TTN: variants seen among roughly 807,000 people sequenced by gnomAD.
TTN encodes the protein connectin.
TTN carries 1,525 observed loss-of-function variants against 3,223.0 expected under a neutral mutation model. The observed-to-expected ratio is 0.47, with a 90% CI of 0.45 to 0.49. The LOEUF (loss-of-function observed/expected upper bound fraction) is 0.49. Ranked by LOEUF, TTN falls within the 20% of genes least tolerant of loss-of-function variation. The probability of loss-of-function intolerance (pLI) is 0.00; values close to 1 mark genes in which losing one functional copy is unlikely to be tolerated. For synonymous variants in TTN, 14,094 were observed against 15,161.0 expected (o/e 0.93, Z 5.17); for missense variants, 40,786 against 43,424.0 (o/e 0.94, Z 5.40).
intron 321 of TTN, 93 bp from the exon 322 acceptor site, chr2:178,578,278 A>G: frequency 8.9e-7 from 1 of 1,129,854 alleles, no homozygotes; most frequent in East Asian, 2.5e-5. Flanking sequence ...ATCCATATAT[A>G]TTGAACAAGT....
chr2:178,775,355 C>A lies in TTN; in HGVS notation c.6508+1G>T, dbSNP rs1373416532. On this transcript the variant is annotated splice_donor_variant, in intron 28 of 362. Transcript: ENST00000589042. LOFTEE classifies it high-confidence loss of function. ...CATCAAAGGAAAGACATGCAAATTA[C>A]CTTGGACAAGTAAGAATGCGTGACT... 2 of 1,613,786 alleles carry A rather than the reference C, an allele frequency of 1.2e-6. No individual in the cohort carries two copies. The highest frequency in any genetic ancestry group is 1.7e-6 in the Non-Finnish European group (2 of 1,179,986).
At chr2:178,747,003 A>G (rs771894274) in intron 47 of TTN, 28 of 1,613,276 alleles carry the variant, frequency 1.7e-5, no homozygotes, top group Admixed American at 3.3e-5. Context: ...TTTGATGGAT[A>G]TGTTTTAAAA....
At chr2:178,594,297 C>A (rs772803072) in intron 296 of TTN, 47 bp downstream of exon 296, 2 of 1,592,768 alleles carry the variant, frequency 1.3e-6, no homozygotes. Context: ...TATTACAAAT[C>A]TACAAATGTG....
Position 178,588,722 on chromosome 2 carries a change from C to T in TTN, c.63003G>A (p.Glu21001=), listed in dbSNP as rs1483274920. ...ATCGTGTTGAATGCTTTTCCTTTTT[C>T]TCCAAAAAGTATCCAGTTATAGACT... ...GGKSITGYFL[E]KKEKHSTRWV... Residue 21001 remains glutamate, a synonymous_variant, in exon 304 of 363, where the codon GAG becomes GAA. Coordinates refer to ENST00000589042, the MANE Select transcript of TTN (RefSeq NM_001267550.2). The T allele has an allele frequency of 6.2e-7, 1 of 1,613,160 alleles. No individual in the cohort carries two copies. The highest frequency in any genetic ancestry group is 1.1e-5 in the South Asian group (1 of 91,024).
At chr2:178,795,359 G>T in intron 6 of TTN, 107 bp from the exon 7 acceptor site, 1 of 1,027,902 alleles carries the variant, frequency 9.7e-7, no homozygotes, top group Non-Finnish European at 1.5e-6. Context: ...GTTTTAAAAT[G>T]TGTGCCTCCA....
At position 178,612,350 on chromosome 2, in the gene TTN, A is replaced by C. The variant is rs1451730722; in HGVS notation, c.50175T>G (p.Val16725=). 6.2e-7 allele frequency: 1 copy of C among 1,612,558 alleles called. No individual in the cohort carries two copies. Among genetic ancestry groups the C allele is most frequent in the Non-Finnish European group, 8.5e-7 (1 of 1,179,190 alleles). ...LTEGSLYVFR[V]AAENAIGQSD... ...TTTGTCCTATAGCATTTTCTGCAGCAACTCGGAACACATATAAAGAGCCCT... is the reference window on the plus strand; with the variant it reads ...TTTGTCCTATAGCATTTTCTGCAGCCACTCGGAACACATATAAAGAGCCCT... The change falls in exon 266 of 363, where the codon GTT becomes GTG. Residue 16725 remains valine, a synonymous_variant. Coordinates refer to ENST00000589042, the MANE Select transcript of TTN (RefSeq NM_001267550.2).
Position 178,634,508 on chromosome 2 carries a change from T to G in TTN, c.42273A>C (p.Ile14091=), listed in dbSNP as rs765993066. Residue 14091 remains isoleucine (I), a synonymous_variant, in exon 230 of 363, where the codon ATA becomes ATC. Transcript: ENST00000589042. The surrounding 1 kb of genome is among the most constrained non-coding windows in gnomAD (Gnocchi z 4.6). ...TATCAAATTTGTCAGATGACTTAAT[T>G]ATATCAGGTCCTTTGGACCATATAA... ...ANVIWSKGPD[I]IKSSDKFDII... 5.6e-6 allele frequency: 9 copies of G among 1,613,214 alleles called. No individual in the cohort carries two copies. Among genetic ancestry groups the G allele is most frequent in the Non-Finnish European group, 7.6e-6 (9 of 1,179,530 alleles).
chr2:178,574,002 C>T lies in TTN; in HGVS notation c.72130G>A (p.Gly24044Ser). The change falls in exon 326 of 363, where the codon GGT becomes AGT. Residue 24044 changes from glycine to serine, a missense_variant. Coordinates refer to ENST00000589042, the MANE Select transcript of TTN (RefSeq NM_001267550.2). ...TCAGCTTCCAGTCTGAATGCTTCACCTGCTTTTAATATAACCGTGTCCTTA... is the reference window on the plus strand; with the variant it reads ...TCAGCTTCCAGTCTGAATGCTTCACTTGCTTTTAATATAACCGTGTCCTTA... ...KFKDTVILKA[G>S]EAFRLEADVS... The T allele has an allele frequency of 6.2e-7, 1 of 1,613,338 alleles. No homozygotes were observed. The highest frequency in any genetic ancestry group is 8.5e-7 in the Non-Finnish European group (1 of 1,179,602).
chr2:178,572,818 A>G lies in TTN; in HGVS notation c.73314T>C (p.Val24438=), dbSNP rs762548789. ...IELDADLRKV[V]TIRACCTLRL... is the part of the protein sequence containing the mutation. ...TCAGGGTGCAGCAGGCCCTTATAGT[A>G]ACAACTTTGCGCAGGTCAGCATCCA... Residue 24438 remains valine, a synonymous_variant, in exon 326 of 363, where the codon GTT becomes GTC. Coordinates refer to ENST00000589042, the MANE Select transcript of TTN (RefSeq NM_001267550.2). The G allele has an allele frequency of 3.7e-6, 6 of 1,613,292 alleles. No homozygotes were observed. The African/African-American group carries it at 8.0e-5, about 22-fold the overall frequency.
chr2:178,583,918 A>C lies in TTN; in HGVS notation c.65276-12T>G. 6.5e-7 allele frequency: 1 copy of C among 1,533,364 alleles called. No individual in the cohort carries two copies. Among genetic ancestry groups the C allele is most frequent in the Non-Finnish European group, 8.8e-7 (1 of 1,136,550 alleles). The allele number at this position is 1,533,364 out of a possible 1,614,324, so 95.0% of individuals were successfully genotyped here. On this transcript the variant is annotated splice_polypyrimidine_tract_variant and intron_variant, in intron 311 of 362. Coordinates refer to ENST00000589042, the MANE Select transcript of TTN (RefSeq NM_001267550.2). The stretch of plus-strand genomic sequence containing the variant: ...TTTCCCAGGAGGATCTAAAACAAAA[A>C]GAGGTACACTCACCATTTATCTTAC...
At chr2:178,805,168 C>A (rs927084558) in intron 1 of TTN, among the ~76,000 whole-genome samples, 1 of 151,286 alleles carries the variant, frequency 6.6e-6, no homozygotes, top group East Asian at 1.9e-4. Flanking sequence ...CATGGTGAAA[C>A]CCCTGTCTCT....
At chr2:178,795,319 G>C in intron 6 of TTN, 67 bp from the exon 7 acceptor site, 2 of 1,497,916 alleles carry the variant, frequency 1.3e-6, no homozygotes, top group Non-Finnish European at 1.9e-6. Flanking sequence ...TGAATCATGA[G>C]ATGAAAAGCT....
In TTN at chr2:178,689,911, A is replaced by C. The variant is rs2071910946; in HGVS notation, c.31763-15T>G. ...CACCTCTGGGACTTAAAGTTTTTGAAACACAATGTTAGTTCAGACATATAT... is the reference window on the plus strand; with the variant it reads ...CACCTCTGGGACTTAAAGTTTTTGACACACAATGTTAGTTCAGACATATAT... On this transcript the variant is annotated splice_polypyrimidine_tract_variant and intron_variant, in intron 121 of 362. Transcript: ENST00000589042. 1 of 1,607,268 alleles carries C rather than the reference A, an allele frequency of 6.2e-7. No homozygotes were observed.
At chr2:178,749,475 A>G (rs1342821297) in intron 47 of TTN, 1 of 1,612,838 alleles carries the variant, frequency 6.2e-7, no homozygotes, top group African/African-American at 1.3e-5. Flanking sequence ...AGGCTTTGAA[A>G]ATAGTCCCTT....
rs763755830 is a variant in TTN, at chr2:178,609,307, G to A, written c.52003C>T (p.Arg17335Cys). ...TCAGGTCGGAGAGAATCTCGGACGC[G>A]TAGCTGAGATTCTCCCTTTTTGCTG... is the stretch of plus-strand genomic sequence containing the variant. ...DNSKKGESQL[R>C]VRDSLRPDHG... The change falls in exon 273 of 363, where the codon CGC becomes TGC. Residue 17335 changes from arginine (R) to cysteine (C), a missense_variant. Transcript: ENST00000589042. 1.3e-5 allele frequency: 21 copies of A among 1,605,948 alleles called. No homozygotes were observed. The highest frequency in any genetic ancestry group is 2.2e-5 in the East Asian group (1 of 44,532).
chr2:178,638,182 ACAT>A (rs1221778986), intron 223 of TTN, among the ~76,000 whole-genome samples: 1 of 151,958 alleles, frequency 6.6e-6, no homozygotes, highest in Non-Finnish European at 1.5e-5. Context: ...CAAATCATAA[ACAT>A]CAGCAACAAA....
Position 178,669,354 on chromosome 2 carries a change from C to T in TTN, c.35545+19G>A. On this transcript the variant is annotated intron_variant, in intron 159 of 362. Transcript: ENST00000589042. ...ACATAAATGAAACGAAAAAGAACCA[C>T]TAATTTTTCTACACTCACTGTACAT... 1 of 1,515,064 alleles carries T rather than the reference C, an allele frequency of 6.6e-7. No homozygotes were observed. Among genetic ancestry groups the T allele is most frequent in the Non-Finnish European group, 8.8e-7 (1 of 1,138,880 alleles). The allele number at this position is 1,515,064 out of a possible 1,614,324, so 93.9% of individuals were successfully genotyped here.
In TTN at chr2:178,593,281, C is replaced by G. The variant is rs794729464; in HGVS notation, c.58927G>C (p.Asp19643His). 1.2e-6 allele frequency: 2 copies of G among 1,613,392 alleles called. No individual in the cohort carries two copies. The highest frequency in any genetic ancestry group is 3.3e-5 in the Admixed American group (2 of 59,960). Residue 19643 changes from aspartate (D) to histidine (H), a missense_variant, in exon 299 of 363, where the codon GAT becomes CAT. Asp to His is a moderately conservative substitution (Grantham distance 81, BLOSUM62 -1). Coordinates refer to ENST00000589042, the MANE Select transcript of TTN (RefSeq NM_001267550.2). ...TCATACTGACATCCTTCTAGAAGAT[C>G]AGGAACCCTAAATTTAGTGTATGGA... ...IHPYTKFRVP[D>H]LLEGCQYEFR... is the part of the protein sequence containing the mutation.
rs879054552 is a variant in TTN at position 178,769,929 on chromosome 2, A to T, written c.8652T>A (p.Ile2884=). 1.9e-6 allele frequency: 3 copies of T among 1,613,992 alleles called. No homozygotes were observed. The highest frequency in any genetic ancestry group is 2.7e-5 in the African/African-American group (2 of 74,914). Residue 2884 remains isoleucine, a synonymous_variant, in exon 37 of 363, where the codon ATT becomes ATA. Coordinates refer to ENST00000589042, the MANE Select transcript of TTN (RefSeq NM_001267550.2). The part of the protein sequence containing the change: ...KAKLFVETLH[I]TKTMKNIEVP... ...CCTCGATATTTTTCATGGTTTTTGT[A>T]ATATGTAATGCTTGGTAAAATCAAA... is the stretch of plus-strand genomic sequence containing the variant.
Sources: allele counts gnomAD v4.1 joint callset (sites outside exome capture counted in the v4.1 genomes callset), GRCh38; gene constraint gnomAD v4.1.1; non-coding constraint Gnocchi (gnomAD v3.1); transcripts MANE v1.5; gene names NCBI Gene and HGNC (gene_info 2026-07-23, HGNC 2026-07-21).